The following CCZ1 variants were observed in gnomAD, a reference collection of about 807,000 sequenced individuals.
CCZ1 encodes the protein vacuolar fusion protein CCZ1 homolog.
CCZ1 carries 19 observed loss-of-function variants against 57.8 expected under a neutral mutation model. The ratio of observed to expected loss-of-function variants is 0.33; its 90% confidence interval spans 0.23 to 0.48. The LOEUF is 0.48. CCZ1 is among the 20% of genes least tolerant of loss of function. The pLI is 0.99. For synonymous variants in CCZ1, 81 were observed against 167.0 expected, an observed-to-expected ratio of 0.49 and a Z score of 3.97; for missense variants, 200 against 492.0, an observed-to-expected ratio of 0.41 and a Z score of 5.61.
chr7:5,911,214 T>G (rs1431570652), intron 8 of CCZ1, among the ~76,000 whole-genome samples: 3 of 149,262 alleles, frequency 2.0e-5, no homozygotes, highest in Non-Finnish European at 4.4e-5. Context: ...CAGAGAACTT[T>G]TAAATGATAT....
At position 5,910,416 on chromosome 7, in the gene CCZ1, G is replaced by C. The variant is rs572597945; in HGVS notation, c.780+300G>C. ...GAGTCTCGAACTTTCGCCTGGGATGGAGAGGTTCAAGCAATTCTCCTTGCC... is the reference window on the plus strand; with the variant it reads ...GAGTCTCGAACTTTCGCCTGGGATGCAGAGGTTCAAGCAATTCTCCTTGCC... On this transcript the variant is annotated intron_variant, in intron 8 of 14. Coordinates refer to ENST00000325974, the MANE Select transcript of CCZ1 (RefSeq NM_015622.6). 6.7e-5 allele frequency among the ~76,000 whole-genome samples: 10 copies of C among 149,364 alleles called. 1 individual carries two copies. The highest frequency in any genetic ancestry group is 2.2e-4 in the African/African-American group (9 of 40,558).
rs200328214 is a variant in CCZ1, at chr7:5,911,509, A to G, written c.781-352A>G. On this transcript the variant is annotated intron_variant, in intron 8 of 14. Coordinates refer to ENST00000325974, the MANE Select transcript of CCZ1 (RefSeq NM_015622.6). Reference sequence around the variant, plus strand: ...GGGATCTCGTCATGTTGCCCAGGCTATTCTCAAACTCCTGGGCTCAAGTAA... The same window carrying G: ...GGGATCTCGTCATGTTGCCCAGGCTGTTCTCAAACTCCTGGGCTCAAGTAA... 1.1e-3 allele frequency among the ~76,000 whole-genome samples: 159 copies of G among 147,274 alleles called. 6 individuals carry two copies. The highest frequency in any genetic ancestry group is 3.6e-3 in the Middle Eastern group (1 of 280).
At chr7:5,905,349 G>C (rs1781785922) in intron 7 of CCZ1, 80 bp downstream of exon 7, 1 of 795,488 alleles carries the variant, frequency 1.3e-6, no homozygotes, top group Non-Finnish European at 1.9e-6. Context: ...ATGACAGGTT[G>C]TCAAACAGGA....
At chr7:5,909,695 C>CT (rs1336284585) in intron 7 of CCZ1, among the ~76,000 whole-genome samples, 1 of 100,600 alleles carries the variant, frequency 9.9e-6, no homozygotes, top group Admixed American at 1.1e-4. Flanking sequence ...AAGACCTTGT[C>CT]TCAAAAAAAA....
intron 12 of CCZ1, among the ~76,000 whole-genome samples, chr7:5,920,953 T>TTG (rs1779230330): frequency 1.3e-5 from 1 of 75,070 alleles, no homozygotes; most frequent in Admixed American, 1.2e-4. Context: ...TTTTTTGGGT[T>TTG]TTTTTTTTTT....
At chr7:5,915,559 G>T (rs546223326) in intron 10 of CCZ1, among the ~76,000 whole-genome samples, 2 of 151,216 alleles carry the variant, frequency 1.3e-5, no homozygotes, top group Admixed American at 1.3e-4. Context: ...TACAATGCAC[G>T]TACCATACAA....
chr7:5,907,808 T>G (rs561075892), intron 7 of CCZ1, among the ~76,000 whole-genome samples: 1 of 15,254 alleles, frequency 6.6e-5, no homozygotes, highest in East Asian at 3.9e-3. Context: ...AAAATAACCT[T>G]CAAGCAAAAC....
Position 5,900,789 on chromosome 7 carries a change from A to G in CCZ1, c.313-66A>G. 4 of 1,566,304 alleles carry G rather than the reference A, an allele frequency of 2.6e-6. No individual in the cohort carries two copies. The South Asian group carries it at 4.8e-5, about 19-fold the overall frequency. On this transcript the variant is annotated intron_variant, in intron 3 of 14. Transcript: ENST00000325974. The stretch of plus-strand genomic sequence containing the variant: ...TGCTGTAGCATGTTCAAAGTTTTTA[A>G]ATTAAGGCAAAATAAACATGGTCTA...
rs6977454 is a variant in CCZ1, at chr7:5,909,295, G to A, written c.699-740G>A. 9.5e-3 allele frequency among the ~76,000 whole-genome samples: 1,429 copies of A among 150,480 alleles called. 9 individuals are homozygous for A. The highest frequency in any genetic ancestry group is 0.033 in the African/African-American group (1,338 of 40,468). ...AAGCACCAGTAGTCCCAGCTACTCA[G>A]GAGGCTGAGGTGGGAGGTTCGCTTG... is the stretch of plus-strand genomic sequence containing the variant. On this transcript the variant is annotated intron_variant, in intron 7 of 14. Coordinates refer to ENST00000325974, the MANE Select transcript of CCZ1 (RefSeq NM_015622.6).
chr7:5,906,015 T>C (rs1351002680), intron 7 of CCZ1, among the ~76,000 whole-genome samples: 1 of 145,266 alleles, frequency 6.9e-6, no homozygotes, highest in Non-Finnish European at 1.5e-5. Context: ...AGTGCTGGGA[T>C]TACAGGCACG....
intron 7 of CCZ1, among the ~76,000 whole-genome samples, chr7:5,909,585 G>T (rs548579251): frequency 6.8e-6 from 1 of 147,958 alleles, no homozygotes; most frequent in South Asian, 2.2e-4. Flanking sequence ...TGTAGTCCCA[G>T]CTAGTCTGGA....
intron 7 of CCZ1, among the ~76,000 whole-genome samples, chr7:5,908,261 A>T (rs1477336851): frequency 7.3e-6 from 1 of 137,700 alleles, no homozygotes; most frequent in Non-Finnish European, 1.6e-5. Flanking sequence ...GCCAGGAGTT[A>T]CTTGGAGACC....
At chr7:5,916,719 G>T (rs1779157163) in intron 10 of CCZ1, among the ~76,000 whole-genome samples, 1 of 147,066 alleles carries the variant, frequency 6.8e-6, no homozygotes, top group Non-Finnish European at 1.5e-5. Flanking sequence ...CAGAGACACA[G>T]CTGGCCCCAC....
chr7:5,925,342 T>TACAA (rs1298038604), intron 14 of CCZ1, among the ~76,000 whole-genome samples: 3 of 120,974 alleles, frequency 2.5e-5, no homozygotes, highest in Non-Finnish European at 5.4e-5. Context: ...TACCAAAAAA[T>TACAA]ACAAACATTA....
chr7:5,914,758 C>T (rs1779116430), intron 10 of CCZ1, among the ~76,000 whole-genome samples: 1 of 148,056 alleles, frequency 6.8e-6, no homozygotes, highest in Admixed American at 6.7e-5. Flanking sequence ...CGCCTCTAAT[C>T]CCAGCTACTC....
intron 7 of CCZ1, among the ~76,000 whole-genome samples, chr7:5,906,948 A>ACTT (rs1781842861): frequency 6.7e-6 from 1 of 149,228 alleles, no homozygotes; most frequent in African/African-American, 2.5e-5. Context: ...GCTTGCTGCA[A>ACTT]CCCCTGCCTC....
rs1781689220 is a variant in CCZ1 at position 5,901,678 on chromosome 7, C to T, written c.412C>T (p.Leu138=). Residue 138 remains leucine, a synonymous_variant, in exon 5 of 15, where the codon CTG becomes TTG. Transcript: ENST00000325974. ...ELLDKVYSSV[L]RQCYSMYKLF... is the part of the protein sequence containing the mutation. ...GCAGGACAAGGTTTATAGCTCGGTG[C>T]TGCGGCAGTGCTACAGCATGTACAA... 6.3e-7 allele frequency: 1 copy of T among 1,598,726 alleles called. No individual in the cohort carries two copies. The highest frequency in any genetic ancestry group is 1.7e-5 in the Admixed American group (1 of 59,336).
rs1779371438 is a variant in CCZ1, at chr7:5,925,955, A to G, written c.*268A>G. On this transcript the variant is annotated 3_prime_UTR_variant, in exon 15 of 15. Coordinates refer to ENST00000325974, the MANE Select transcript of CCZ1 (RefSeq NM_015622.6). ...TTTTACTGGAAAATAAGACTAATAA[A>G]TTGTTAAAAGTTTTTAAAATTCTGG... The G allele has an allele frequency of 1.6e-6, 1 of 623,240 alleles. No individual in the cohort carries two copies. The highest frequency in any genetic ancestry group is 2.0e-5 in the South Asian group (1 of 50,830). 38.6% of individuals were successfully genotyped at this position (623,240 alleles called of 1,614,324 possible).
At chr7:5,915,777 A>AACC (rs1779136344) in intron 10 of CCZ1, among the ~76,000 whole-genome samples, 1 of 67,450 alleles carries the variant, frequency 1.5e-5, no homozygotes, top group African/African-American at 4.1e-5. Context: ...TGTGTTCCAA[A>AACC]ACCCCCGGGA....
Sources: gnomAD v4.1 joint callset for allele counts (sites outside exome capture counted in the v4.1 genomes callset) on GRCh38, gnomAD v4.1.1 for gene constraint, MANE v1.5 for transcripts, NCBI Gene and HGNC (gene_info 2026-07-23, HGNC 2026-07-21) for gene names.